The following LTBP4 variants were observed in gnomAD, a reference collection of about 807,000 sequenced individuals.
LTBP4 encodes the protein latent-transforming growth factor beta-binding protein 4.
A neutral mutation model predicts 180.2 loss-of-function variants in LTBP4; 93 were observed. The ratio of observed to expected loss-of-function variants is 0.52; its 90% CI spans 0.44 to 0.61. The LOEUF is 0.61. Ranked by LOEUF, LTBP4 falls within the 20% of genes least tolerant of loss-of-function variation. The pLI, the probability that LTBP4 is intolerant of heterozygous loss-of-function variation, is 0.00. For synonymous variants in LTBP4, 947 were observed against 934.5 expected (o/e 1.01, Z -0.24); for missense variants, 2,116 against 2,256.5 (o/e 0.94, Z 1.26).
In LTBP4 at chr19:40,619,354, C is replaced by T. The variant is rs779116814; in HGVS notation, c.3078C>T (p.Asn1026=). ...ARDGRHCVDV[N]ECETLQGVCG... ...GTTGTCTCCTGCTTACAGATGTGAA[C>T]GAGTGTGAAACACTACAGGGTGTAT... The change falls in exon 22 of 30, where the codon AAC becomes AAT. Residue 1026 remains asparagine (N), a synonymous_variant. Coordinates refer to ENST00000396819, the MANE Select transcript of LTBP4 (RefSeq NM_001042545.2). The T allele has an allele frequency of 5.9e-5, 96 of 1,613,486 alleles. No homozygotes were observed. Among genetic ancestry groups the T allele is most frequent in the East Asian group, 2.2e-4 (10 of 44,874 alleles).
At chr19:40,617,643 C>CAAAAAA (rs56053315) in intron 21 of LTBP4, among the ~76,000 whole-genome samples, 7 of 118,790 alleles carry the variant, frequency 5.9e-5, no homozygotes, top group South Asian at 2.5e-4. Flanking sequence ...GACCCTGTCT[C>CAAAAAA]AAAAAAAAAA....
rs2081604550 is a variant in LTBP4 at position 40,623,794 on chromosome 19, C to G, written c.3685+62C>G. ...CTCCAACCCCTAGCCTTGCCAGCTC[C>G]CCTCTGGAATGTGGCCACCACCAGC... On this transcript the variant is annotated intron_variant, in intron 25 of 29. Transcript: ENST00000396819. 9.3e-6 allele frequency: 15 copies of G among 1,604,394 alleles called. No homozygotes were observed. The East Asian group carries it at 3.4e-4, about 36-fold the overall frequency.
chr19:40,618,316 A>C, intron 21 of LTBP4, among the ~76,000 whole-genome samples: 1 of 151,060 alleles, frequency 6.6e-6, no homozygotes, highest in Non-Finnish European at 1.5e-5. Flanking sequence ...CTGGAGTGCA[A>C]TGGCATGATC....
upstream of LTBP4, chr19:40,599,589 C>T: frequency 1.9e-6 from 3 of 1,584,956 alleles, no homozygotes; most frequent in Non-Finnish European, 2.6e-6. Flanking sequence ...ACCAAATCCT[C>T]CCTCAGGAAC....
upstream of LTBP4, chr19:40,598,380 C>G (rs962775639): frequency 7.3e-6 from 1 of 137,382 alleles, no homozygotes; most frequent in African/African-American, 2.6e-5. Flanking sequence ...TGCACCCCCC[C>G]ACTGCTCTCC....
intron 15 of LTBP4, among the ~76,000 whole-genome samples, chr19:40,612,777 C>T (rs900298497): frequency 2.6e-5 from 4 of 152,200 alleles, no homozygotes; most frequent in South Asian, 2.1e-4. Context: ...GTTTATAATA[C>T]TTGACTGGTC....
Position 40,605,676 on chromosome 19 carries a change from G to C in LTBP4, c.690+24G>C. ...AAGTGAGAGGAGGCCCGTGGGGAGGGGCCCGGAGCTTGCCTCCGCGCGGGG... is the reference window on the plus strand; with the variant it reads ...AAGTGAGAGGAGGCCCGTGGGGAGGCGCCCGGAGCTTGCCTCCGCGCGGGG... On this transcript the variant is annotated intron_variant, in intron 3 of 29. Coordinates refer to ENST00000396819, the MANE Select transcript of LTBP4 (RefSeq NM_001042545.2). The surrounding 1 kb of genome is among the most constrained non-coding windows in gnomAD (Gnocchi z 5.5). 1 of 1,551,158 alleles carries C rather than the reference G, an allele frequency of 6.4e-7. No homozygotes were observed. Among genetic ancestry groups the C allele is most frequent in the South Asian group, 1.2e-5 (1 of 84,058 alleles).
chr19:40,596,659 A>G (rs983801905), upstream of LTBP4, among the ~76,000 whole-genome samples: 8 of 152,108 alleles, frequency 5.3e-5, no homozygotes, highest in Admixed American at 2.0e-4. Flanking sequence ...AGAAGATCCA[A>G]TGTGAACTTG....
chr19:40,601,435 G>A lies in LTBP4; in HGVS notation c.48G>A (p.Leu16=). 6.9e-7 allele frequency: 1 copy of A among 1,457,900 alleles called. No individual in the cohort carries two copies. The allele number at this position is 1,457,900 out of a possible 1,614,324, so 90.3% of individuals were successfully genotyped here. The change falls in exon 1 of 30, where the codon CTG becomes CTA. Residue 16 remains leucine (L), a synonymous_variant. Coordinates refer to ENST00000396819, the MANE Select transcript of LTBP4 (RefSeq NM_001042545.2). The part of the protein sequence containing the change: ...RLLWVSLLVL[L]AQLGPQPGLG... ...TCTGGGTGTCGCTATTGGTGCTGCTGGCGCAGCTAGGGCCGCAGCCTGGAC... is the reference window on the plus strand; with the variant it reads ...TCTGGGTGTCGCTATTGGTGCTGCTAGCGCAGCTAGGGCCGCAGCCTGGAC...
chr19:40,601,768 C>A, intron 1 of LTBP4, 131 bp downstream of exon 1: 2 of 764,942 alleles, frequency 2.6e-6, no homozygotes, highest in South Asian at 3.8e-5. Flanking sequence ...ATATCAGGGG[C>A]TATTTGAGGA....
Position 40,605,933 on chromosome 19 carries a change from G to A in LTBP4, c.793+102G>A. The A allele has an allele frequency of 7.7e-7, 1 of 1,290,484 alleles. No homozygotes were observed. The highest frequency in any genetic ancestry group is 1.1e-6 in the Non-Finnish European group (1 of 946,244). The allele number at this position is 1,290,484 out of a possible 1,614,324, so 79.9% of individuals were successfully genotyped here. ...AGATAAACCCAGTTCACAAATTGTA[G>A]CCACGCCTACCCCATTGTGGAGGCG... On this transcript the variant is annotated intron_variant, in intron 4 of 29. Transcript: ENST00000396819. The surrounding 1 kb of genome is among the most constrained non-coding windows in gnomAD (Gnocchi z 5.5).
intron 1 of LTBP4, among the ~76,000 whole-genome samples, chr19:40,595,905 A>ATTTTTTTTTTTTTT (rs60121587): frequency 1.7e-5 from 1 of 60,044 alleles, no homozygotes; most frequent in Non-Finnish European, 2.8e-5. Context: ...TAATTTTTGG[A>ATTTTTTTTTTTTTT]TTTTTTTTTT....
At chr19:40,612,322 C>G in intron 15 of LTBP4, 130 bp downstream of exon 15, 1 of 1,253,556 alleles carries the variant, frequency 8.0e-7, no homozygotes, top group Middle Eastern at 2.7e-4. Flanking sequence ...GAGCCTGTGA[C>G]TCCTGACCCT....
chr19:40,625,900 C>G lies in LTBP4; in HGVS notation c.3876C>G (p.Leu1292=). The change falls in exon 27 of 30, where the codon CTC becomes CTG. Residue 1292 remains leucine, a synonymous_variant. Transcript: ENST00000396819. ...GVCWQEVGAD[L]VCSHPRLDRQ... Reference sequence around the variant, plus strand: ...GCTGGCAGGAAGTGGGGGCTGACCTCGTGTGCAGCCACCCTCGGCTGGACC... The same window carrying G: ...GCTGGCAGGAAGTGGGGGCTGACCTGGTGTGCAGCCACCCTCGGCTGGACC... 6.2e-7 allele frequency: 1 copy of G among 1,600,258 alleles called. No homozygotes were observed. Among genetic ancestry groups the G allele is most frequent in the Non-Finnish European group, 8.5e-7 (1 of 1,174,322 alleles).
At chr19:40,610,436 T>G in intron 11 of LTBP4, 96 bp from the exon 12 acceptor site, 1 of 1,437,920 alleles carries the variant, frequency 7.0e-7, no homozygotes, top group Non-Finnish European at 9.3e-7. Context: ...TGGCCCAAGC[T>G]TGGTCCCGCT....
At chr19:40,612,228 A>G (rs537912196) in intron 15 of LTBP4, 36 bp downstream of exon 15, 4 of 1,556,454 alleles carry the variant, frequency 2.6e-6, no homozygotes, top group Admixed American at 1.9e-5. Context: ...TTGGGCCTGC[A>G]TCATGACCCC....
In LTBP4 at chr19:40,607,499, G is replaced by T. The variant is rs1363782332; in HGVS notation, c.1126G>T (p.Gly376Cys). 6.2e-7 allele frequency: 1 copy of T among 1,612,310 alleles called. No homozygotes were observed. Residue 376 changes from glycine (G) to cysteine (C), a missense_variant, in exon 7 of 30, where the codon GGC becomes TGC. By Grantham distance (159) the Gly-to-Cys change is radical. Around this residue, in one of 5 missense-constraint regions of LTBP4, gnomAD observed 877 missense variants for 873.6 expected, o/e 1.00. Transcript: ENST00000396819. ...CSRVGKAWGR[G>C]CQLCPPFGSE... ...CCGCGTAGGCAAGGCCTGGGGCCGG[G>T]GCTGCCAGCTCTGCCCACCCTTCGG...
intron 7 of LTBP4, among the ~76,000 whole-genome samples, chr19:40,608,001 C>T (rs961156512): frequency 6.6e-6 from 1 of 152,230 alleles, no homozygotes; most frequent in Non-Finnish European, 1.5e-5. Context: ...CAACCCTGTT[C>T]CTACCACCAT....
In LTBP4 at chr19:40,607,481, G is replaced by A; in HGVS notation, c.1108G>A (p.Gly370Ser). Residue 370 changes from glycine to serine, a missense_variant, in exon 7 of 30, where the codon GGC (glycine) becomes AGC (serine). This residue lies in a region of LTBP4 where 4 missense variants were observed against 18.6 expected (regional missense o/e 0.21). Transcript: ENST00000396819. Reference protein sequence around the residue: ...TKQICCCSRVGKAWGRGCQLC... With the variant: ...TKQICCCSRVSKAWGRGCQLC... ...ACAGATCTGCTGCTGCAGCCGCGTA[G>A]GCAAGGCCTGGGGCCGGGGCTGCCA... 6.2e-7 allele frequency: 1 copy of A among 1,613,136 alleles called. No homozygotes were observed.
Sources: gnomAD v4.1 joint callset for allele counts (sites outside exome capture counted in the v4.1 genomes callset) on GRCh38, gnomAD v4.1.1 for gene constraint, gnomAD v4.1.1 regional missense constraint, Gnocchi (gnomAD v3.1) non-coding constraint, MANE v1.5 for transcripts, NCBI Gene and HGNC (gene_info 2026-07-23, HGNC 2026-07-21) for gene names.